TAMM41: variants seen among roughly 807,000 people sequenced by gnomAD.
TAMM41 encodes TAM41 mitochondrial translocator assembly and maintenance homolog, also known as phosphatidate cytidylyltransferase, mitochondrial.
TAMM41 carries 36 observed loss-of-function variants against 44.1 expected under a neutral mutation model. The ratio of observed to expected loss-of-function variants is 0.82; its 90% CI spans 0.63 to 1.08. TAMM41 has a LOEUF of 1.08. Among genes scored for constraint, TAMM41 ranks in the 50% least tolerant of loss-of-function variants. TAMM41 has a pLI of 0.00. For synonymous variants in TAMM41, 164 were observed against 153.1 expected, an observed-to-expected ratio of 1.07 and a Z score of -0.53; for missense variants, 417 against 404.3, an observed-to-expected ratio of 1.03 and a Z score of -0.27.
the TAMM41 span, among the ~76,000 whole-genome samples, chr3:11,765,703 ATTT>A: frequency 7.0e-6 from 1 of 142,200 alleles, no homozygotes. Flanking sequence ...TGGAGTCAAA[ATTT>A]TTTTTTTTTT....
chr3:11,791,924 T>G (rs541777917), intron 7 of TAMM41, among the ~76,000 whole-genome samples: 1 of 152,256 alleles, frequency 6.6e-6, no homozygotes, highest in African/African-American at 2.4e-5. Context: ...CCCACCCACT[T>G]CAGCATTGAG....
chr3:11,839,613 C>A (rs1381440956), intron 2 of TAMM41, among the ~76,000 whole-genome samples: 1 of 152,212 alleles, frequency 6.6e-6, no homozygotes, highest in African/African-American at 2.4e-5. Flanking sequence ...CACAGGCTGG[C>A]TATCCAAGCT....
chr3:11,743,715 C>A, the TAMM41 span, among the ~76,000 whole-genome samples: 2 of 152,096 alleles, frequency 1.3e-5, no homozygotes, highest in African/African-American at 2.4e-5. Context: ...CTCTAACCAG[C>A]CTCCCTCTGT....
chr3:11,784,828 A>C, the TAMM41 span, among the ~76,000 whole-genome samples: 25 of 119,418 alleles, frequency 2.1e-4, no homozygotes, highest in South Asian at 1.6e-3. Context: ...GAGGAGGAGG[A>C]GTCTCGCTCT....
In TAMM41 at chr3:11,809,283, T is replaced by C. The variant is rs2078014823; in HGVS notation, c.874+234A>G. 5 of 534,446 alleles carry C rather than the reference T, an allele frequency of 9.4e-6. No homozygotes were observed. The South Asian group carries it at 9.5e-5, about 10-fold the overall frequency. 33.1% of individuals were successfully genotyped at this position (534,446 alleles called of 1,614,324 possible). On this transcript the variant is annotated intron_variant, in intron 6 of 7. Transcript: ENST00000455809. ...ACCAAAAGAAACATTGTTTCTCCCTTTGACAGTGATTTAGGATCCAGGAAT... is the reference window on the plus strand; with the variant it reads ...ACCAAAAGAAACATTGTTTCTCCCTCTGACAGTGATTTAGGATCCAGGAAT...
At chr3:11,786,190 G>A (rs1422170548), downstream of TAMM41, among the ~76,000 whole-genome samples, 1 of 151,634 alleles carries the variant, frequency 6.6e-6, no homozygotes, top group African/African-American at 2.4e-5. Context: ...TCCTTCTCCA[G>A]GGTACCCCTT....
intron 5 of TAMM41, 66 bp downstream of exon 5, chr3:11,817,125 CT>C (rs763308519): frequency 4.2e-5 from 65 of 1,533,386 alleles, no homozygotes; most frequent in Admixed American, 1.4e-4. Flanking sequence ...TGTTCTACCC[CT>C]GACTTTCTTC....
chr3:11,792,712 A>G (rs946014680), intron 7 of TAMM41, among the ~76,000 whole-genome samples: 1 of 152,234 alleles, frequency 6.6e-6, no homozygotes, highest in African/African-American at 2.4e-5. Flanking sequence ...AACATATAGA[A>G]AACAAAATGG....
Position 11,839,224 on chromosome 3 carries a change from GT to G in TAMM41, c.408del (p.Lys136AsnfsTer3). 3 of 1,610,180 alleles carry G rather than the reference GT, an allele frequency of 1.9e-6. No individual in the cohort carries two copies. Among genetic ancestry groups the G allele is most frequent in the Non-Finnish European group, 2.5e-6 (3 of 1,176,944 alleles). ...TGTGCAGCCTATAAAACACTCACCGGTTTTTGGAGTCGTCCAGCAATGTATA... is the reference window on the plus strand; with the variant it reads ...TGTGCAGCCTATAAAACACTCACCGGTTTTGGAGTCGTCCAGCAATGTATA... The part of the protein sequence containing the change: ...NNLYIAGRLQ[K>X]PVKIISVNED... On this transcript the variant is annotated frameshift_variant, in exon 3 of 8. Coordinates refer to ENST00000455809, the MANE Select transcript of TAMM41 (RefSeq NM_001284401.2). LOFTEE classifies it high-confidence loss of function.
the TAMM41 span, among the ~76,000 whole-genome samples, chr3:11,740,326 T>C: frequency 6.6e-6 from 1 of 152,152 alleles, no homozygotes; most frequent in African/African-American, 2.4e-5. Context: ...TAAGTGGATA[T>C]AATTGCAGAT....
the TAMM41 span, among the ~76,000 whole-genome samples, chr3:11,731,382 C>A: frequency 8.1e-3 from 1,240 of 152,184 alleles, 13 homozygotes; most frequent in African/African-American, 0.028. Context: ...GTAGTCCCAG[C>A]TACTTGGGAG....
intron 5 of TAMM41, among the ~76,000 whole-genome samples, chr3:11,816,243 C>G (rs1429432593): frequency 1.3e-5 from 2 of 150,914 alleles, no homozygotes; most frequent in Non-Finnish European, 2.9e-5. Context: ...TTTGGCCCGG[C>G]CTGGTTTTTA....
chr3:11,831,454 G>A (rs182327092), intron 3 of TAMM41, among the ~76,000 whole-genome samples: 2 of 152,094 alleles, frequency 1.3e-5, no homozygotes, highest in African/African-American at 4.8e-5. Flanking sequence ...ACAAAGTAAA[G>A]GGTCTAGAAG....
rs537161954 is a variant in TAMM41, at chr3:11,846,849, C to A, written c.-213G>T. On this transcript the variant is annotated 5_prime_UTR_variant, in exon 1 of 8. Coordinates refer to ENST00000455809, the MANE Select transcript of TAMM41 (RefSeq NM_001284401.2). ...GGCGAGAAGACGCAGCCCAGATAGG[C>A]TCGGGTGGGCGGCGGTCGCACAGGC... The A allele has an allele frequency of 1.2e-5, 7 of 595,824 alleles. No individual in the cohort carries two copies. The highest frequency in any genetic ancestry group is 8.0e-5 in the South Asian group (4 of 50,184). The allele number at this position is 595,824 out of a possible 1,614,324, so 36.9% of individuals were successfully genotyped here. A position where few individuals can be genotyped will look rare whatever the true frequency, so the allele number is the denominator to read the frequency against.
At chr3:11,818,336 G>T (rs2078367431) in intron 4 of TAMM41, among the ~76,000 whole-genome samples, 2 of 152,132 alleles carry the variant, frequency 1.3e-5, no homozygotes, top group South Asian at 4.1e-4. Context: ...ACTACGACAA[G>T]TATAAACTGA....
chr3:11,743,335 CTT>C, the TAMM41 span, among the ~76,000 whole-genome samples: 206 of 140,932 alleles, frequency 1.5e-3, no homozygotes, highest in South Asian at 8.2e-3. Flanking sequence ...CTAATAATCT[CTT>C]TTTTTTTTTT....
At chr3:11,821,607 A>T (rs1478979039) in intron 4 of TAMM41, among the ~76,000 whole-genome samples, 1 of 152,202 alleles carries the variant, frequency 6.6e-6, no homozygotes, top group Admixed American at 6.5e-5. Flanking sequence ...ACCCAGAGTT[A>T]AGGTATTAGA....
chr3:11,819,464 T>TA (rs774445825), intron 4 of TAMM41, among the ~76,000 whole-genome samples: 6 of 152,236 alleles, frequency 3.9e-5, no homozygotes, highest in Non-Finnish European at 8.8e-5. Context: ...CTACTTATAA[T>TA]ACTGAAAGCA....
At chr3:11,725,601 G>A in the TAMM41 span, among the ~76,000 whole-genome samples, 4 of 152,170 alleles carry the variant, frequency 2.6e-5, no homozygotes, top group African/African-American at 9.6e-5. Context: ...ACCATGCCCG[G>A]CTAACTTTTT....
Sources: gnomAD v4.1 joint callset for allele counts (sites outside exome capture counted in the v4.1 genomes callset) on GRCh38, gnomAD v4.1.1 for gene constraint, MANE v1.5 for transcripts, NCBI Gene and HGNC (gene_info 2026-07-23, HGNC 2026-07-21) for gene names.